SEMA3A: variants seen among roughly 807,000 people sequenced by gnomAD.
SEMA3A encodes semaphorin-3A.
SEMA3A carries 29 observed loss-of-function variants against 97.9 expected under a neutral mutation model. The ratio of observed to expected loss-of-function variants is 0.30; its 90% CI spans 0.22 to 0.40. SEMA3A has a LOEUF of 0.40. Among genes scored for constraint, SEMA3A ranks in the 10% least tolerant of loss-of-function variants. The probability of loss-of-function intolerance (pLI) is 1.00; values close to 1 mark genes in which losing one functional copy is unlikely to be tolerated. For synonymous variants in SEMA3A, 321 were observed against 323.7 expected (o/e 0.99, Z 0.09); for missense variants, 763 against 951.3 (o/e 0.80, Z 2.60).
At chr7:84,327,980 A>T (rs1308685724) in intron 2 of SEMA3A, among the ~76,000 whole-genome samples, 1 of 152,036 alleles carries the variant, frequency 6.6e-6, no homozygotes, top group Admixed American at 6.6e-5. Context: ...ACAGAAAGAT[A>T]ATTTATAGTA....
chr7:84,132,974 C>G (rs1053266605), intron 2 of SEMA3A, among the ~76,000 whole-genome samples: 2 of 152,046 alleles, frequency 1.3e-5, no homozygotes, highest in Non-Finnish European at 2.9e-5. Context: ...CGCACCAGAC[C>G]TATTTTGTGC....
intron 3 of SEMA3A, among the ~76,000 whole-genome samples, chr7:84,284,034 A>G (rs1338868072): frequency 6.6e-6 from 1 of 152,172 alleles, no homozygotes; most frequent in African/African-American, 2.4e-5. Context: ...GTCGCATACA[A>G]AAGATTTGAA....
intron 1 of SEMA3A, among the ~76,000 whole-genome samples, chr7:84,409,906 GTA>G (rs1442375237): frequency 6.6e-6 from 1 of 152,012 alleles, no homozygotes; most frequent in Non-Finnish European, 1.5e-5. Flanking sequence ...CTATTGTGAG[GTA>G]TAAAGTACAG....
intron 1 of SEMA3A, among the ~76,000 whole-genome samples, chr7:84,460,344 T>G (rs1333540963): frequency 1.7e-4 from 26 of 152,044 alleles, no homozygotes; most frequent in Admixed American, 1.7e-3. Flanking sequence ...CTTATGTTTT[T>G]GGGCATTTTT....
intron 1 of SEMA3A, among the ~76,000 whole-genome samples, chr7:84,386,191 C>A (rs1031700512): frequency 1.3e-5 from 2 of 152,054 alleles, no homozygotes; most frequent in Non-Finnish European, 2.9e-5. Context: ...CTACAAAAAC[C>A]AAGGTAAGCT....
chr7:84,254,446 T>C (rs1181736667), intron 3 of SEMA3A, among the ~76,000 whole-genome samples: 2 of 152,164 alleles, frequency 1.3e-5, no homozygotes, highest in Admixed American at 6.6e-5. Flanking sequence ...AATGAAGAGA[T>C]AGAGCTGAGT....
chr7:84,424,972 AT>A (rs1416319193), intron 1 of SEMA3A, among the ~76,000 whole-genome samples: 17 of 102,776 alleles, frequency 1.7e-4, no homozygotes, highest in Admixed American at 5.9e-4. Context: ...TAATTTATAT[AT>A]TTATAATTTA....
intron 2 of SEMA3A, among the ~76,000 whole-genome samples, chr7:84,358,024 T>C (rs1439232312): frequency 1.3e-5 from 2 of 152,254 alleles, no homozygotes; most frequent in Non-Finnish European, 2.9e-5. Context: ...TCTTTGTAGA[T>C]ACTGGATATT....
chr7:84,035,168 T>C (rs906259910), intron 6 of SEMA3A, among the ~76,000 whole-genome samples: 2 of 152,034 alleles, frequency 1.3e-5, no homozygotes, highest in Non-Finnish European at 2.9e-5. Flanking sequence ...AAAGAAAATA[T>C]ATTTCCCTAT....
intron 3 of SEMA3A, among the ~76,000 whole-genome samples, chr7:84,301,349 A>T (rs1211964292): frequency 6.6e-6 from 1 of 152,110 alleles, no homozygotes; most frequent in Non-Finnish European, 1.5e-5. Flanking sequence ...TATATCAAAG[A>T]ATTTGTCTTC....
intron 1 of SEMA3A, among the ~76,000 whole-genome samples, chr7:84,193,014 T>C (rs1347706520): frequency 6.6e-6 from 1 of 151,942 alleles, no homozygotes; most frequent in Non-Finnish European, 1.5e-5. Flanking sequence ...ATGGAAATAA[T>C]TTAAAGACAG....
At chr7:84,382,655 G>A (rs1803293645) in intron 1 of SEMA3A, among the ~76,000 whole-genome samples, 2 of 139,810 alleles carry the variant, frequency 1.4e-5, no homozygotes, top group Admixed American at 7.7e-5. Flanking sequence ...TCAGGAGATC[G>A]AGACCCTCCT....
intron 3 of SEMA3A, among the ~76,000 whole-genome samples, chr7:84,225,845 A>G (rs889455511): frequency 1.3e-5 from 2 of 152,128 alleles, no homozygotes; most frequent in African/African-American, 2.4e-5. Flanking sequence ...AAAGAATAAG[A>G]TAACGTGCTG....
At chr7:84,414,098 C>A (rs1562938964) in intron 1 of SEMA3A, among the ~76,000 whole-genome samples, 1 of 152,164 alleles carries the variant, frequency 6.6e-6, no homozygotes, top group East Asian at 1.9e-4. Context: ...TAACCCCGCA[C>A]CAACTTGAGC....
rs547851818 is a variant in SEMA3A at position 84,149,560 on chromosome 7, T to C, written c.113-14609A>G. Among the ~76,000 whole-genome samples the C allele has an allele frequency of 2.0e-5, 3 of 152,294 alleles. No individual in the cohort carries two copies. In the South Asian group the frequency reaches 6.2e-4, roughly 32 times the overall value. On this transcript the variant is annotated intron_variant, in intron 1 of 16. Coordinates refer to ENST00000265362, the MANE Select transcript of SEMA3A (RefSeq NM_006080.3). ...ACCAATGCAGGACACACAACATTAATCCTCACAATGTCAAACGTCAAATTC... is the reference window on the plus strand; with the variant it reads ...ACCAATGCAGGACACACAACATTAACCCTCACAATGTCAAACGTCAAATTC...
intron 12 of SEMA3A, among the ~76,000 whole-genome samples, chr7:84,001,001 C>T (rs1325014570): frequency 6.6e-6 from 1 of 151,692 alleles, no homozygotes; most frequent in Non-Finnish European, 1.5e-5. Flanking sequence ...TAAATGAGAT[C>T]ACTTGAAGTT....
chr7:84,024,754 C>T (rs1413980401), intron 6 of SEMA3A, among the ~76,000 whole-genome samples: 1 of 152,136 alleles, frequency 6.6e-6, no homozygotes, highest in Admixed American at 6.5e-5. Context: ...GTTTTTAAAA[C>T]TTTGTGAAAT....
At position 84,263,624 on chromosome 7, in the gene SEMA3A, T is replaced by A. The variant is rs77593964; in HGVS notation, c.-83+43583A>T. 2.0e-4 allele frequency among the ~76,000 whole-genome samples: 30 copies of A among 152,180 alleles called. No homozygotes were observed. In the South Asian group the frequency reaches 6.0e-3, roughly 30 times the overall value. On this transcript the variant is annotated intron_variant, in intron 3 of 3. Coordinates refer to the SEMA3A transcript ENST00000424555. ...TCAATGCCATATAAGCATTTGCTAT[T>A]ATTATTCCCTCTCTCTTTCTTCTCA...
intron 4 of SEMA3A, among the ~76,000 whole-genome samples, chr7:84,076,277 T>G (rs1793945330): frequency 6.6e-6 from 1 of 152,284 alleles, no homozygotes; most frequent in East Asian, 1.9e-4. Flanking sequence ...GGTATTTACT[T>G]TTTTATCCTC....
Sources: gnomAD v4.1 joint callset for allele counts (sites outside exome capture counted in the v4.1 genomes callset) on GRCh38, gnomAD v4.1.1 for gene constraint, MANE v1.5 for transcripts, NCBI Gene and HGNC (gene_info 2026-07-23, HGNC 2026-07-21) for gene names.